The following FBXO3 variants were observed in gnomAD, a reference collection of about 807,000 sequenced individuals.
FBXO3 encodes F-box only protein 3.
Under a neutral mutation model 64.8 loss-of-function variants are expected in FBXO3, and 17 were observed. The observed-to-expected ratio is 0.26, with a 90% confidence interval of 0.18 to 0.39. FBXO3 has a LOEUF of 0.39. FBXO3 is among the 10% of genes least tolerant of loss of function. FBXO3 has a pLI of 1.00. For synonymous variants in FBXO3, 182 were observed against 201.6 expected (o/e 0.90, Z 0.82); for missense variants, 420 against 589.9 (o/e 0.71, Z 2.98).
chr11:33,754,835 T>G (rs1362663271), intron 5 of FBXO3, among the ~76,000 whole-genome samples: 1 of 151,386 alleles, frequency 6.6e-6, no homozygotes, highest in African/African-American at 2.4e-5. Flanking sequence ...AAATGTTATA[T>G]AGAGTCACAT....
intron 6 of FBXO3, among the ~76,000 whole-genome samples, chr11:33,752,674 C>G (rs1323206202): frequency 6.6e-6 from 1 of 152,080 alleles, no homozygotes; most frequent in Non-Finnish European, 1.5e-5. Flanking sequence ...CTATTGTATT[C>G]AAGGTTCACT....
At chr11:33,747,405 T>G in intron 9 of FBXO3, 85 bp from the exon 10 acceptor site, 1 of 1,091,618 alleles carries the variant, frequency 9.2e-7, no homozygotes, top group Non-Finnish European at 1.3e-6. Flanking sequence ...CATGGCATTA[T>G]GTAAACTATA....
Position 33,746,693 on chromosome 11 carries a change from TAAG to T in FBXO3, c.1239+434_1239+436del, listed in dbSNP as rs1854820374. The T allele has an allele frequency of 2.2e-6, 3 of 1,355,244 alleles. No homozygotes were observed. In the African/African-American group the frequency reaches 4.4e-5, roughly 20 times the overall value. The allele number at this position is 1,355,244 out of a possible 1,614,324, so 84.0% of individuals were successfully genotyped here. On this transcript the variant is annotated intron_variant, in intron 10 of 10. Transcript: ENST00000265651. ...TTTTAAAAAATATACCTAGTTGACT[TAAG>T]AAATGATCCCAGAGAGACTGCCAAA...
At chr11:33,755,471 G>C (rs186790015) in intron 5 of FBXO3, among the ~76,000 whole-genome samples, 135 of 151,512 alleles carry the variant, frequency 8.9e-4, no homozygotes, top group Middle Eastern at 3.4e-3. Flanking sequence ...TGGAAAGTCT[G>C]AAACACATAT....
chr11:33,762,444 T>A (rs1855266073), intron 3 of FBXO3, among the ~76,000 whole-genome samples: 1 of 152,198 alleles, frequency 6.6e-6, no homozygotes. Flanking sequence ...ACATAAAGTA[T>A]ATCCTGTGAT....
Position 33,755,979 on chromosome 11 carries a change from A to G in FBXO3, c.474-4T>C. 1 of 1,612,516 alleles carries G rather than the reference A, an allele frequency of 6.2e-7. No homozygotes were observed. Among genetic ancestry groups the G allele is most frequent in the Admixed American group, 1.7e-5 (1 of 60,008 alleles). ...CAGTGCCATGCTTCCCAATAACCTGAGGAGCATACAGACTCAAACATGTAA... is the reference window on the plus strand; with the variant it reads ...CAGTGCCATGCTTCCCAATAACCTGGGGAGCATACAGACTCAAACATGTAA... On this transcript the variant is annotated splice_polypyrimidine_tract_variant and splice_region_variant and intron_variant, in intron 4 of 10. Coordinates refer to ENST00000265651, the MANE Select transcript of FBXO3 (RefSeq NM_012175.4).
intron 3 of FBXO3, among the ~76,000 whole-genome samples, chr11:33,760,670 CAGA>C (rs1168762399): frequency 6.6e-6 from 1 of 152,084 alleles, no homozygotes; most frequent in African/African-American, 2.4e-5. Context: ...CAATAGAAGT[CAGA>C]AGAATGATAT....
chr11:33,770,473 G>A (rs993286530), intron 2 of FBXO3, among the ~76,000 whole-genome samples: 3 of 152,242 alleles, frequency 2.0e-5, no homozygotes, highest in African/African-American at 7.2e-5. Flanking sequence ...CAGTGGGGAA[G>A]TCAGGGAGGG....
rs1294628566 is a variant in FBXO3 at position 33,751,544 on chromosome 11, A to G, written c.788T>C (p.Ile263Thr). ...ATACCTGAAAATTTGGTCTCTGATG[A>G]TGGGGAAGCCACCTGATACAACATT... ...VKNVVSGGFP[I>T]IRDQIFRYVH... is the part of the protein sequence containing the mutation. Residue 263 changes from isoleucine (I) to threonine (T), a missense_variant, in exon 7 of 11, where the codon ATC (isoleucine) becomes ACC (threonine). By Grantham distance (89) the Ile-to-Thr change is moderately conservative (BLOSUM62 -1). This residue lies in a region of FBXO3 where 337 missense variants were observed against 518.4 expected (regional missense o/e 0.65). Transcript: ENST00000265651. 6.2e-7 allele frequency: 1 copy of G among 1,609,494 alleles called. No homozygotes were observed. Among genetic ancestry groups the G allele is most frequent in the South Asian group, 1.1e-5 (1 of 90,214 alleles).
chr11:33,763,197 C>G (rs1194001068), intron 3 of FBXO3: 1 of 407,334 alleles, frequency 2.5e-6, no homozygotes, highest in Non-Finnish European at 5.0e-6. Context: ...AAAATAAGAC[C>G]AAGCTTACAT....
chr11:33,757,467 A>AATC (rs1855127541), intron 4 of FBXO3, among the ~76,000 whole-genome samples: 2 of 144,268 alleles, frequency 1.4e-5, no homozygotes, highest in East Asian at 4.0e-4. Context: ...TAATAATAAT[A>AATC]ATAAAAAAAT....
chr11:33,765,752 C>T lies in FBXO3; in HGVS notation c.358+3099G>A, dbSNP rs1201728791. 2.0e-5 allele frequency among the ~76,000 whole-genome samples: 3 copies of T among 152,122 alleles called. No homozygotes were observed. The East Asian group carries it at 5.8e-4, about 29-fold the overall frequency. On this transcript the variant is annotated intron_variant, in intron 3 of 10. Coordinates refer to ENST00000265651, the MANE Select transcript of FBXO3 (RefSeq NM_012175.4). Reference sequence around the variant, plus strand: ...AGCATCCTTCCCTTGGTGCTGTCCTCAAGATAGTGAGTGACTTCTCATGAG... The same window carrying T: ...AGCATCCTTCCCTTGGTGCTGTCCTTAAGATAGTGAGTGACTTCTCATGAG...
intron 10 of FBXO3, chr11:33,744,731 A>G (rs1467830445): frequency 1.3e-5 from 2 of 152,238 alleles, no homozygotes; most frequent in Non-Finnish European, 2.9e-5. Context: ...ACGAAAACTA[A>G]TAAGAAAGAA....
intron 3 of FBXO3, among the ~76,000 whole-genome samples, chr11:33,768,400 C>G (rs890089877): frequency 6.6e-6 from 1 of 152,112 alleles, no homozygotes; most frequent in African/African-American, 2.4e-5. Flanking sequence ...CTAGGCTGCT[C>G]TTACACAGGT....
At chr11:33,751,700 T>C (rs1338526073) in intron 6 of FBXO3, 93 bp from the exon 7 acceptor site, 3 of 649,644 alleles carry the variant, frequency 4.6e-6, no homozygotes, top group African/African-American at 1.9e-5. Flanking sequence ...TGCTTTAGAA[T>C]GTGATACCAA....
chr11:33,744,933 A>C (rs1854777321), intron 10 of FBXO3: 1 of 152,152 alleles, frequency 6.6e-6, no homozygotes, highest in Admixed American at 6.5e-5. Flanking sequence ...CATGAGACTG[A>C]AAGTTGACAA....
intron 3 of FBXO3, among the ~76,000 whole-genome samples, chr11:33,761,732 T>TG (rs1855248966): frequency 6.6e-6 from 1 of 152,192 alleles, no homozygotes; most frequent in African/African-American, 2.4e-5. Context: ...GGCTGCTATC[T>TG]CATCTTATGC....
In FBXO3 at chr11:33,768,829, A is replaced by C. The variant is rs754014558; in HGVS notation, c.358+22T>G. ...TACTAACAGTAATGGAAACGGGGAA[A>C]GGGACCCTGAATTCCCAGTACCTTT... On this transcript the variant is annotated intron_variant, in intron 3 of 10. Transcript: ENST00000265651. 5 of 1,613,578 alleles carry C rather than the reference A, an allele frequency of 3.1e-6. No individual in the cohort carries two copies. The African/African-American group carries it at 6.7e-5, about 22-fold the overall frequency.
intron 3 of FBXO3, 60 bp from the exon 4 acceptor site, chr11:33,758,661 G>T (rs1265278361): frequency 2.6e-6 from 3 of 1,156,610 alleles, no homozygotes; most frequent in Non-Finnish European, 2.5e-6. Context: ...AAGAAGAAAT[G>T]CAATCTATCT....
Sources: gnomAD v4.1 joint callset for allele counts (sites outside exome capture counted in the v4.1 genomes callset) on GRCh38, gnomAD v4.1.1 for gene constraint, gnomAD v4.1.1 regional missense constraint, MANE v1.5 for transcripts, NCBI Gene and HGNC (gene_info 2026-07-23, HGNC 2026-07-21) for gene names.